The following CYP4X1 variants were observed in gnomAD, a reference collection of about 807,000 sequenced individuals.
CYP4X1 encodes the protein cytochrome P450 family 4 subfamily X member 1, also known as cytochrome P450 4X1.
Under a neutral mutation model 57.9 loss-of-function variants are expected in CYP4X1, and 44 were observed. The observed-to-expected ratio is 0.76, with a 90% confidence interval of 0.60 to 0.98. The LOEUF is 0.98. Among genes scored for constraint, CYP4X1 ranks in the 50% least tolerant of loss-of-function variants. The pLI, the probability that CYP4X1 is intolerant of heterozygous loss-of-function variation, is 0.00. For missense variants in CYP4X1, 532 were observed against 623.9 expected (o/e 0.85, Z 1.57); for synonymous variants, 227 against 228.6 (o/e 0.99, Z 0.06).
Position 47,043,666 on chromosome 1 carries a change from G to T in CYP4X1, c.1074-2801G>T, listed in dbSNP as rs559636160. ...CATCTTGAGTTGATTTTTGTATAAG[G>T]TGAGAGATGAGGATCCAGTTTCATG... On this transcript the variant is annotated intron_variant, in intron 8 of 11. Transcript: ENST00000371901. Among the ~76,000 whole-genome samples, 6 of 152,196 alleles carry T rather than the reference G, an allele frequency of 3.9e-5. No homozygotes were observed. In the South Asian group the frequency reaches 1.2e-3, roughly 32 times the overall value.
At chr1:47,022,241 G>A (rs1297220674), upstream of CYP4X1, among the ~76,000 whole-genome samples, 4 of 151,278 alleles carry the variant, frequency 2.6e-5, no homozygotes, top group Admixed American at 2.6e-4. Flanking sequence ...AAGGGGCCAG[G>A]ACGAACTTGG....
chr1:47,001,056 G>A, the CYP4X1 span: 1 of 233,408 alleles, frequency 4.3e-6, no homozygotes, highest in South Asian at 8.0e-5. Context: ...GCTCGTTCAT[G>A]GCAAATTGTT....
chr1:46,984,970 G>A, the CYP4X1 span, among the ~76,000 whole-genome samples: 2 of 152,190 alleles, frequency 1.3e-5, no homozygotes, highest in African/African-American at 4.8e-5. Flanking sequence ...TGAAATTCTC[G>A]CTGCCAGCAC....
At chr1:46,965,188 G>C in the CYP4X1 span, among the ~76,000 whole-genome samples, 3 of 152,178 alleles carry the variant, frequency 2.0e-5, no homozygotes, top group African/African-American at 7.2e-5. Context: ...TGCACTTCCC[G>C]GGTGAGGCGA....
At chr1:47,005,638 T>C in the CYP4X1 span, among the ~76,000 whole-genome samples, 5 of 152,240 alleles carry the variant, frequency 3.3e-5, no homozygotes, top group African/African-American at 4.8e-5. Flanking sequence ...AGAGTGGTCA[T>C]ATATTAAATG....
At chr1:47,049,035 G>A (rs1298288874) in intron 10 of CYP4X1, among the ~76,000 whole-genome samples, 2 of 152,220 alleles carry the variant, frequency 1.3e-5, no homozygotes, top group Non-Finnish European at 2.9e-5. Flanking sequence ...CTGTGAAGCT[G>A]CAAGGTCTGC....
the CYP4X1 span, among the ~76,000 whole-genome samples, chr1:46,986,769 C>T: frequency 6.6e-6 from 1 of 152,046 alleles, no homozygotes. Context: ...CTTTCATCTC[C>T]AACCAAGCTA....
At chr1:46,979,589 C>T in the CYP4X1 span, among the ~76,000 whole-genome samples, 8 of 152,154 alleles carry the variant, frequency 5.3e-5, no homozygotes, top group East Asian at 1.5e-3. Context: ...CTATTCCAAT[C>T]AATACAAAAA....
chr1:47,046,656 C>T, intron 9 of CYP4X1, 56 bp downstream of exon 9: 1 of 1,611,000 alleles, frequency 6.2e-7, no homozygotes, highest in Non-Finnish European at 8.5e-7. Flanking sequence ...CTGGAGACCA[C>T]AGTGACAAAG....
chr1:47,042,981 G>A (rs1644262570), intron 8 of CYP4X1, among the ~76,000 whole-genome samples: 1 of 152,164 alleles, frequency 6.6e-6, no homozygotes, highest in African/African-American at 2.4e-5. Context: ...CCTGTAGTGG[G>A]ATTGCTGGAT....
chr1:47,053,659 T>C (rs544923239), downstream of CYP4X1, among the ~76,000 whole-genome samples: 1 of 152,370 alleles, frequency 6.6e-6, no homozygotes, highest in African/African-American at 2.4e-5. Context: ...TGCATTTCTC[T>C]GATGGCCAGT....
chr1:46,990,842 T>C, the CYP4X1 span, among the ~76,000 whole-genome samples: 3 of 150,438 alleles, frequency 2.0e-5, no homozygotes, highest in Non-Finnish European at 3.0e-5. Context: ...TAAGTGGGAG[T>C]TGAACAATGA....
the CYP4X1 span, among the ~76,000 whole-genome samples, chr1:47,004,095 A>G: frequency 1.3e-5 from 2 of 152,210 alleles, no homozygotes; most frequent in African/African-American, 4.8e-5. Flanking sequence ...TGTCTTTGTA[A>G]CTTTATCCTC....
At chr1:46,989,862 C>G in the CYP4X1 span, among the ~76,000 whole-genome samples, 1 of 152,208 alleles carries the variant, frequency 6.6e-6, no homozygotes, top group African/African-American at 2.4e-5. Flanking sequence ...AAAGCTGAAA[C>G]TGGATCCCTT....
downstream of CYP4X1, among the ~76,000 whole-genome samples, chr1:47,053,669 T>G (rs563146416): frequency 1.8e-3 from 280 of 152,360 alleles, 4 homozygotes; most frequent in African/African-American, 6.5e-3. Flanking sequence ...TGATGGCCAG[T>G]GATGATGAGC....
chr1:47,046,715 T>C (rs2148515943), intron 9 of CYP4X1, 115 bp downstream of exon 9: 1 of 1,473,410 alleles, frequency 6.8e-7, no homozygotes, highest in Non-Finnish European at 9.2e-7. Context: ...AATGCTAACA[T>C]GTGACTTAGG....
the CYP4X1 span, among the ~76,000 whole-genome samples, chr1:47,007,462 C>T: frequency 6.6e-6 from 1 of 152,124 alleles, no homozygotes; most frequent in East Asian, 1.9e-4. Context: ...GTAGATAAAA[C>T]CACAAAGATG....
At chr1:46,964,525 G>C in the CYP4X1 span, among the ~76,000 whole-genome samples, 1 of 152,178 alleles carries the variant, frequency 6.6e-6, no homozygotes, top group South Asian at 2.1e-4. Context: ...TGTTTGCCTG[G>C]GTATCAGCAG....
chr1:47,016,563 G>A, the CYP4X1 span, among the ~76,000 whole-genome samples: 212 of 152,160 alleles, frequency 1.4e-3, no homozygotes, highest in Non-Finnish European at 2.3e-3. Context: ...GGATGGTCTC[G>A]ATCTCCTGAC....
Sources: gnomAD v4.1 joint callset for allele counts (sites outside exome capture counted in the v4.1 genomes callset) on GRCh38, gnomAD v4.1.1 for gene constraint, MANE v1.5 for transcripts, NCBI Gene and HGNC (gene_info 2026-07-23, HGNC 2026-07-21) for gene names.